Variants in RPTOR observed in about 807,000 individuals in gnomAD.
The protein encoded by RPTOR is regulatory-associated protein of mTOR.
Under a neutral mutation model 169.9 loss-of-function variants are expected in RPTOR, and 21 were observed. The ratio of observed to expected loss-of-function variants is 0.12; its 90% CI spans 0.09 to 0.18. The LOEUF (loss-of-function observed/expected upper bound fraction) is 0.18, where lower values mean the gene tolerates loss of function less well. Among genes scored for constraint, RPTOR ranks in the 10% least tolerant of loss-of-function variants. The pLI, the probability that RPTOR is intolerant of heterozygous loss-of-function variation, is 1.00. For missense variants in RPTOR, 1,133 were observed against 1,855.9 expected, an observed-to-expected ratio of 0.61 and a Z score of 7.16; for synonymous variants, 732 against 753.2, an observed-to-expected ratio of 0.97 and a Z score of 0.46.
intron 6 of RPTOR, chr17:80,774,272 G>C (rs2066872430): frequency 5.1e-6 from 5 of 985,328 alleles, no homozygotes; most frequent in African/African-American, 1.7e-5. Flanking sequence ...GTGTGACACA[G>C]ACGGCGCGGG....
chr17:80,925,285 C>A, intron 23 of RPTOR, 85 bp from the exon 24 acceptor site: 1 of 1,203,802 alleles, frequency 8.3e-7, no homozygotes, highest in Admixed American at 2.0e-5. Flanking sequence ...GCCTTTGTCC[C>A]CAGCTGCAGC....
At chr17:80,918,287 C>T (rs1353300938) in intron 21 of RPTOR, among the ~76,000 whole-genome samples, 2 of 152,240 alleles carry the variant, frequency 1.3e-5, no homozygotes, top group Non-Finnish European at 2.9e-5. Flanking sequence ...ATCGCCCATC[C>T]AGACAGAGAT....
chr17:80,892,571 C>T (rs530426339), intron 18 of RPTOR, among the ~76,000 whole-genome samples, 158 bp from the exon 19 acceptor site: 2 of 152,282 alleles, frequency 1.3e-5, no homozygotes, highest in African/African-American at 2.4e-5. Flanking sequence ...CCTCCGCTCA[C>T]GTCTGAGTCT....
At chr17:80,694,241 C>G (rs948818644) in intron 3 of RPTOR, among the ~76,000 whole-genome samples, 37 of 152,248 alleles carry the variant, frequency 2.4e-4, no homozygotes, top group Admixed American at 4.6e-4. Context: ...GAATCCCTGA[C>G]ACAGCTGGTG....
rs559268311 is a variant in RPTOR, at chr17:80,708,189, C to T, written c.507+190C>T. 2.0e-5 allele frequency among the ~76,000 whole-genome samples: 3 copies of T among 152,306 alleles called. No homozygotes were observed. Among genetic ancestry groups the T allele is most frequent in the South Asian group, 2.1e-4 (1 of 4,826 alleles). ...AGGAGGGGCTGTTTCTGTGGCAGAA[C>T]GTGTTCATGGAATGACTGCCTTGAA... On this transcript the variant is annotated intron_variant, in intron 4 of 33. Coordinates refer to ENST00000306801, the MANE Select transcript of RPTOR (RefSeq NM_020761.3). The surrounding 1 kb of genome is among the most constrained non-coding windows in gnomAD (Gnocchi z 4.2).
chr17:80,850,120 A>C (rs1417729721), intron 11 of RPTOR, among the ~76,000 whole-genome samples: 1 of 152,174 alleles, frequency 6.6e-6, no homozygotes, highest in Non-Finnish European at 1.5e-5. Flanking sequence ...GCATGCATGC[A>C]CTGCGTAGTG....
At chr17:80,943,153 G>A (rs1468033) in intron 25 of RPTOR, among the ~76,000 whole-genome samples, 86,289 of 152,094 alleles carry the variant, frequency 0.57, 24,663 homozygotes, top group Admixed American at 0.58. Context: ...CGCAGACTCC[G>A]TGGCCCTGGT....
At chr17:80,899,202 C>T (rs761481550) in intron 20 of RPTOR, among the ~76,000 whole-genome samples, 1 of 152,166 alleles carries the variant, frequency 6.6e-6, no homozygotes, top group Non-Finnish European at 1.5e-5. Context: ...TCCGTATATT[C>T]GAGTATAAAT....
At chr17:80,570,020 C>T (rs8076593) in intron 1 of RPTOR, among the ~76,000 whole-genome samples, 13,459 of 152,116 alleles carry the variant, frequency 0.088, 2,001 homozygotes, top group African/African-American at 0.31. Flanking sequence ...AGCCCAGCTC[C>T]GTTTCTGCCT....
chr17:80,559,742 G>A (rs2084456231), intron 1 of RPTOR, among the ~76,000 whole-genome samples: 1 of 152,172 alleles, frequency 6.6e-6, no homozygotes, highest in African/African-American at 2.4e-5. Flanking sequence ...TCCCTACCCA[G>A]CCATGGGAAA....
At chr17:80,822,796 G>A (rs1052007795) in intron 8 of RPTOR, among the ~76,000 whole-genome samples, 8 of 19,918 alleles carry the variant, frequency 4.0e-4, no homozygotes, top group African/African-American at 8.5e-4. Context: ...ATGTGTGTGC[G>A]TGTATTTGTG....
chr17:80,945,737 C>T lies in RPTOR; in HGVS notation c.3096C>T (p.His1032=). Reference sequence around the variant, plus strand: ...GCGTCCCCTCTGTGGTGAAATTCCACCCCTTCACGCCGTGCATCGCCGTAG... The same window carrying T: ...GCGTCCCCTCTGTGGTGAAATTCCATCCCTTCACGCCGTGCATCGCCGTAG... ...NPGVPSVVKF[H]PFTPCIAVAD... Residue 1032 remains histidine, a synonymous_variant, in exon 26 of 34, where the codon CAC becomes CAT. Coordinates refer to ENST00000306801, the MANE Select transcript of RPTOR (RefSeq NM_020761.3). The T allele has an allele frequency of 6.2e-7, 1 of 1,612,100 alleles. No homozygotes were observed.
At chr17:80,837,890 T>G in intron 9 of RPTOR, 32 bp from the exon 10 acceptor site, 1 of 1,596,486 alleles carries the variant, frequency 6.3e-7, no homozygotes, top group South Asian at 1.1e-5. Context: ...CCGTCCATAA[T>G]GCTCAGTGGA....
chr17:80,728,541 C>T lies in RPTOR; in HGVS notation c.508-2019C>T, dbSNP rs186326288. On this transcript the variant is annotated intron_variant, in intron 4 of 33. Transcript: ENST00000306801. ...GCATCAGTTATTGAATTGTTAATTC[C>T]TTCTTTGCAGATTTAAAATGCTGTC... 5.3e-5 allele frequency among the ~76,000 whole-genome samples: 8 copies of T among 150,524 alleles called. No homozygotes were observed. In the East Asian group the frequency reaches 1.6e-3, roughly 30 times the overall value.
At position 80,726,692 on chromosome 17, in the gene RPTOR, G is replaced by T. The variant is rs1438969802; in HGVS notation, c.508-3868G>T. 6.6e-6 allele frequency among the ~76,000 whole-genome samples: 1 copy of T among 152,110 alleles called. No individual in the cohort carries two copies. Among genetic ancestry groups the T allele is most frequent in the Non-Finnish European group, 1.5e-5 (1 of 68,020 alleles). ...GAGGACGTTGTGAGGTGGCTGTAGG[G>T]TCAGGTGGCTGTAGGGTCAGGGCTG... On this transcript the variant is annotated intron_variant, in intron 4 of 33. Transcript: ENST00000306801. This position sits in a 1 kb window ranked among gnomAD's most constrained non-coding sequence, Gnocchi z 4.5.
intron 1 of RPTOR, among the ~76,000 whole-genome samples, chr17:80,589,170 G>A (rs1384663130): frequency 6.6e-6 from 1 of 152,178 alleles, no homozygotes; most frequent in Non-Finnish European, 1.5e-5. Flanking sequence ...TATGAAGTAA[G>A]GGCCCAGTTT....
chr17:80,564,734 C>T (rs567046078), intron 1 of RPTOR, among the ~76,000 whole-genome samples: 14 of 151,464 alleles, frequency 9.2e-5, no homozygotes, highest in Admixed American at 7.2e-4. Flanking sequence ...TTTTCAGATC[C>T]TCTCCCTCCT....
intron 23 of RPTOR, among the ~76,000 whole-genome samples, chr17:80,924,672 G>T (rs577487967): frequency 2.6e-5 from 4 of 151,840 alleles, no homozygotes; most frequent in South Asian, 4.2e-4. Context: ...CCCCCGGGGT[G>T]GGGGGGATGC....
rs536837458 is a variant in RPTOR at position 80,959,570 on chromosome 17, C to G, written c.3478-508C>G. 4.6e-4 allele frequency among the ~76,000 whole-genome samples: 70 copies of G among 152,338 alleles called. No homozygotes were observed. The highest frequency in any genetic ancestry group is 2.7e-3 in the Admixed American group (42 of 15,308). On this transcript the variant is annotated intron_variant, in intron 29 of 33. Transcript: ENST00000306801. This position sits in a 1 kb window ranked among gnomAD's most constrained non-coding sequence, Gnocchi z 6.7. ...TGGCAGGTGCCATCGCCCCCGCCCC[C>G]GCTTCTCCAGCACTTAGAGCCCCCG...
Sources: allele counts gnomAD v4.1 joint callset (sites outside exome capture counted in the v4.1 genomes callset), GRCh38; gene constraint gnomAD v4.1.1; non-coding constraint Gnocchi (gnomAD v3.1); transcripts MANE v1.5; gene names NCBI Gene and HGNC (gene_info 2026-07-23, HGNC 2026-07-21).